Variants in WDR73 observed in about 807,000 individuals in gnomAD.
WDR73 encodes the protein WD repeat domain 73.
Under a neutral mutation model 38.2 loss-of-function variants are expected in WDR73, and 30 were observed. The observed-to-expected ratio is 0.79, with a 90% CI of 0.59 to 1.06. WDR73 has a LOEUF of 1.06. WDR73 is among the 50% of genes least tolerant of loss of function. The pLI, the probability that WDR73 is intolerant of heterozygous loss-of-function variation, is 0.00. For synonymous variants in WDR73, 197 were observed against 176.0 expected, an observed-to-expected ratio of 1.12 and a Z score of -0.94; for missense variants, 487 against 467.0, an observed-to-expected ratio of 1.04 and a Z score of -0.40.
chr15:84,652,573 CCT>C (rs1896657641), intron 3 of WDR73, 139 bp downstream of exon 3: 3 of 510,156 alleles, frequency 5.9e-6, no homozygotes, highest in Non-Finnish European at 3.5e-6. Flanking sequence ...TATGTGCCTC[CCT>C]CTGTTAGACT....
Position 84,647,922 on chromosome 15 carries a change from T to G in WDR73, c.320A>C (p.Tyr107Ser). The G allele has an allele frequency of 6.2e-7, 1 of 1,613,950 alleles. No individual in the cohort carries two copies. Among genetic ancestry groups the G allele is most frequent in the Non-Finnish European group, 8.5e-7 (1 of 1,179,882 alleles). Residue 107 changes from tyrosine (Y) to serine (S), a missense_variant, in exon 5 of 8, where the codon TAT becomes TCT. By Grantham distance (144) the Tyr-to-Ser change is moderately radical. Transcript: ENST00000434634. ...LLVTSGLPGC[Y>S]LQVWQVAEDS... The stretch of plus-strand genomic sequence containing the variant: ...CTCTGCAACCTGCCACACCTGCAGA[T>G]AACAACCTGGAAGGCCACTGGTAAC...
chr15:84,651,109 CAA>C (rs1206249361), intron 3 of WDR73, among the ~76,000 whole-genome samples: 1 of 120,878 alleles, frequency 8.3e-6, no homozygotes, highest in Non-Finnish European at 1.8e-5. Flanking sequence ...AGTGAGACCT[CAA>C]AAAAAAAAAA....
rs1896300827 is a variant in WDR73 at position 84,642,713 on chromosome 15, T to C, written c.*757A>G. ...CTCCTGGACTCAAGTGATCCACCTGTCTTGGCTGCCTACATTGCTGGGATT... is the reference window on the plus strand; with the variant it reads ...CTCCTGGACTCAAGTGATCCACCTGCCTTGGCTGCCTACATTGCTGGGATT... On this transcript the variant is annotated 3_prime_UTR_variant, in exon 8 of 8. Transcript: ENST00000434634. 6.6e-6 allele frequency: 1 copy of C among 152,148 alleles called. No homozygotes were observed. The highest frequency in any genetic ancestry group is 2.1e-4 in the South Asian group (1 of 4,818). 9.4% of individuals were successfully genotyped at this position (152,148 alleles called of 1,614,324 possible).
rs1431105704 is a variant in WDR73 at position 84,653,613 on chromosome 15, G to C, written c.109+19C>G. 1 of 1,568,928 alleles carries C rather than the reference G, an allele frequency of 6.4e-7. No individual in the cohort carries two copies. Among genetic ancestry groups the C allele is most frequent in the Non-Finnish European group, 8.7e-7 (1 of 1,153,924 alleles). On this transcript the variant is annotated intron_variant, in intron 2 of 7. Coordinates refer to ENST00000434634, the MANE Select transcript of WDR73 (RefSeq NM_032856.5). ...AGGAGTGAGATTCCCTCTCCTTCAGGGCTAGAAAGGTATACCACCTTTGTC... is the reference window on the plus strand; with the variant it reads ...AGGAGTGAGATTCCCTCTCCTTCAGCGCTAGAAAGGTATACCACCTTTGTC...
chr15:84,649,235 G>A (rs898430487), intron 3 of WDR73, among the ~76,000 whole-genome samples: 2 of 152,166 alleles, frequency 1.3e-5, no homozygotes, highest in Admixed American at 6.5e-5. Flanking sequence ...TAGCCACTAG[G>A]CTCTACTATC....
Position 84,643,342 on chromosome 15 carries a change from C to G in WDR73, c.*128G>C, listed in dbSNP as rs1353723939. On this transcript the variant is annotated 3_prime_UTR_variant, in exon 8 of 8. Transcript: ENST00000434634. ...ATAAGGAAACTGAGGCTAAGTGACG[C>G]TGGCAGACTTGCCCAAGGCCACACA... is the stretch of plus-strand genomic sequence containing the variant. 8.6e-7 allele frequency: 1 copy of G among 1,161,972 alleles called. No homozygotes were observed. Among genetic ancestry groups the G allele is most frequent in the East Asian group, 2.6e-5 (1 of 38,830 alleles). The allele number at this position is 1,161,972 out of a possible 1,614,324, so 72.0% of individuals were successfully genotyped here.
Position 84,646,338 on chromosome 15 carries a change from T to G in WDR73, c.363A>C (p.Lys121Asn). 2.5e-6 allele frequency: 4 copies of G among 1,611,584 alleles called. No homozygotes were observed. The highest frequency in any genetic ancestry group is 3.4e-6 in the Non-Finnish European group (4 of 1,178,050). Reference sequence around the variant, plus strand: ...CATGCACAGCAATGGTGCTGACAGCTTTAATGACATCTAGGGGAAAACGAA... The same window carrying G: ...CATGCACAGCAATGGTGCTGACAGCGTTAATGACATCTAGGGGAAAACGAA... ...WQVAEDSDVI[K>N]AVSTIAVHEK... Residue 121 changes from lysine to asparagine, a missense_variant, in exon 6 of 8, where the codon AAA becomes AAC. Physicochemically the swap from Lys to Asn is moderately conservative, Grantham distance 94. Transcript: ENST00000434634.
intron 1 of WDR73, chr15:84,654,029 T>C (rs1896710620): frequency 4.5e-6 from 3 of 667,776 alleles, no homozygotes; most frequent in East Asian, 5.4e-5. Flanking sequence ...CTCTTACTAG[T>C]AATCTCACAA....
In WDR73 at chr15:84,645,747, C is replaced by G. The variant is rs1412043806; in HGVS notation, c.607G>C (p.Val203Leu). 1 of 1,611,516 alleles carries G rather than the reference C, an allele frequency of 6.2e-7. No homozygotes were observed. The highest frequency in any genetic ancestry group is 1.7e-5 in the Admixed American group (1 of 59,536). ...FCCASGRLGL[V>L]DTRQKWAPLE... ...GGTGCCCACTTCTGCCGGGTGTCAA[C>G]AAGCCCCAGCCGGCCTGAAGCACAG... Residue 203 changes from valine (V) to leucine (L), a missense_variant, in exon 7 of 8, where the codon GTT becomes CTT. Val to Leu is a conservative substitution (Grantham distance 32, BLOSUM62 1). Transcript: ENST00000434634.
chr15:84,643,594 A>G lies in WDR73; in HGVS notation c.1013T>C (p.Met338Thr). ...RGHIFLDGNG[M>T]DPAPLVTTHT... is the part of the protein sequence containing the mutation. ...GGTGGTGACCAAAGGAGCAGGGTCC[A>G]TCCCATTTCCATCTAGGAAGATGTG... Residue 338 changes from methionine to threonine, a missense_variant, in exon 8 of 8, where the codon ATG becomes ACG. Physicochemically the swap from Met to Thr is moderately conservative, Grantham distance 81. Coordinates refer to ENST00000434634, the MANE Select transcript of WDR73 (RefSeq NM_032856.5). The G allele has an allele frequency of 6.2e-7, 1 of 1,612,866 alleles. No individual in the cohort carries two copies. Among genetic ancestry groups the G allele is most frequent in the South Asian group, 1.1e-5 (1 of 90,684 alleles).
intron 7 of WDR73, 35 bp downstream of exon 7, chr15:84,645,436 A>G (rs375132806): frequency 1.6e-5 from 26 of 1,608,040 alleles, no homozygotes; most frequent in Non-Finnish European, 2.2e-5. Flanking sequence ...GAAGAAAGAG[A>G]TCAGATAACA....
chr15:84,645,863 A>G lies in WDR73; in HGVS notation c.518-27T>C, dbSNP rs193130453. 1.7e-5 allele frequency: 27 copies of G among 1,613,124 alleles called. No homozygotes were observed. In the African/African-American group the frequency reaches 3.5e-4, roughly 21 times the overall value. On this transcript the variant is annotated intron_variant, in intron 6 of 7. Coordinates refer to ENST00000434634, the MANE Select transcript of WDR73 (RefSeq NM_032856.5). ...TGGAAGACCGACAGCAAAGGAGACAAGCGGCTGGAGGCAGATGGGTCTGGC... is the reference window on the plus strand; with the variant it reads ...TGGAAGACCGACAGCAAAGGAGACAGGCGGCTGGAGGCAGATGGGTCTGGC...
intron 2 of WDR73, 178 bp from the exon 3 acceptor site, chr15:84,652,980 C>T: frequency 4.1e-6 from 2 of 489,740 alleles, no homozygotes; most frequent in Non-Finnish European, 7.4e-6. Flanking sequence ...GTGCAGTGGT[C>T]CGATCACAGC....
intron 3 of WDR73, among the ~76,000 whole-genome samples, chr15:84,649,492 C>G (rs190861581): frequency 6.7e-5 from 10 of 148,828 alleles, no homozygotes; most frequent in Admixed American, 1.4e-4. Context: ...TTTTTTGAGA[C>G]AGAGTCTCAC....
chr15:84,643,655 G>T lies in WDR73; in HGVS notation c.952C>A (p.Arg318=). The part of the protein sequence containing the change: ...WDGTRSQDGT[R]SQVEPLFTHR... ...GTGAAGAGAGGTTCTACTTGGCTCC[G>T]TGTTCCATCTTGGCTCCGTGTTCCA... The change falls in exon 8 of 8, where the codon CGG becomes AGG. Residue 318 remains arginine (R), a synonymous_variant. Coordinates refer to ENST00000434634, the MANE Select transcript of WDR73 (RefSeq NM_032856.5). 9.4e-7 allele frequency: 1 copy of T among 1,068,788 alleles called. No individual in the cohort carries two copies. The highest frequency in any genetic ancestry group is 1.8e-5 in the South Asian group (1 of 56,044). 66.2% of individuals were successfully genotyped at this position (1,068,788 alleles called of 1,614,324 possible).
rs1446538278 is a variant in WDR73 at position 84,641,835 on chromosome 15, T to C, written c.*1635A>G. The C allele has an allele frequency of 6.6e-6, 1 of 152,120 alleles. No homozygotes were observed. Among genetic ancestry groups the C allele is most frequent in the African/African-American group, 2.4e-5 (1 of 41,404 alleles). 9.4% of individuals were successfully genotyped at this position (152,120 alleles called of 1,614,324 possible). A position where few individuals can be genotyped will look rare whatever the true frequency, so the allele number is the denominator to read the frequency against. On this transcript the variant is annotated 3_prime_UTR_variant, in exon 8 of 8. Coordinates refer to ENST00000434634, the MANE Select transcript of WDR73 (RefSeq NM_032856.5). ...TGCCTGGTCTATCTTTAAATTCCTA[T>C]CTGAATTTGTTTAGGTTTTTTAAAT...
chr15:84,640,948 CATTATA>C lies in WDR73; in HGVS notation c.*2516_*2521del, dbSNP rs1453939130. The C allele has an allele frequency of 6.6e-6, 1 of 152,088 alleles. No individual in the cohort carries two copies. Among genetic ancestry groups the C allele is most frequent in the Non-Finnish European group, 1.5e-5 (1 of 68,056 alleles). 9.4% of individuals were successfully genotyped at this position (152,088 alleles called of 1,614,324 possible). On this transcript the variant is annotated 3_prime_UTR_variant, in exon 8 of 8. Coordinates refer to ENST00000434634, the MANE Select transcript of WDR73 (RefSeq NM_032856.5). ...AAACGTTAGTTTTCATTATCATCAT[CATTATA>C]ATTATTATGAAAATAGATAAGGGCA...
At chr15:84,647,733 G>T in intron 5 of WDR73, 157 bp downstream of exon 5, 1 of 685,466 alleles carries the variant, frequency 1.5e-6, no homozygotes, top group African/African-American at 1.8e-5. Context: ...CTGAATTCAA[G>T]TGATCCACCC....
rs869320712 is a variant in WDR73, at chr15:84,643,718, CA to C, written c.888del (p.Phe296LeufsTer26). 2.5e-6 allele frequency: 4 copies of C among 1,612,434 alleles called. No homozygotes were observed. Among genetic ancestry groups the C allele is most frequent in the Non-Finnish European group, 2.5e-6 (3 of 1,179,210 alleles). On this transcript the variant is annotated frameshift_variant, in exon 8 of 8. Coordinates refer to ENST00000434634, the MANE Select transcript of WDR73 (RefSeq NM_032856.5). LOFTEE classifies it high-confidence loss of function. ...GCATCATAGACCTGGACTGTACCAT[CA>C]AAACCTGAGAATACAGAAAAGAGAG... ...GLKNCLAISGFDGTVQVYDAT... is the reference protein window; with the variant it reads ...GLKNCLAISGXDGTVQVYDAT...
Sources: allele counts gnomAD v4.1 joint callset (sites outside exome capture counted in the v4.1 genomes callset), GRCh38; gene constraint gnomAD v4.1.1; transcripts MANE v1.5; gene names NCBI Gene and HGNC (gene_info 2026-07-23, HGNC 2026-07-21).